Variants in ERBB4 observed in about 807,000 individuals in gnomAD.
ERBB4 encodes the protein receptor tyrosine-protein kinase erbB-4.
A neutral mutation model predicts 158.0 loss-of-function variants in ERBB4; 42 were observed. The ratio of observed to expected loss-of-function variants is 0.27; its 90% CI spans 0.21 to 0.34. The LOEUF is 0.34. Ranked by LOEUF, ERBB4 falls within the 10% of genes least tolerant of loss-of-function variation. The pLI, the probability that ERBB4 is intolerant of heterozygous loss-of-function variation, is 1.00. For synonymous variants in ERBB4, 583 were observed against 558.7 expected (o/e 1.04, Z -0.61); for missense variants, 1,333 against 1,624.1 (o/e 0.82, Z 3.08).
chr2:211,819,490 C>T (rs961353930), intron 3 of ERBB4, among the ~76,000 whole-genome samples: 2 of 151,804 alleles, frequency 1.3e-5, no homozygotes, highest in Admixed American at 6.6e-5. Context: ...TAGGAAGATC[C>T]CCAGAATTTG....
chr2:212,005,020 T>A (rs2076227071), intron 2 of ERBB4, among the ~76,000 whole-genome samples: 1 of 152,180 alleles, frequency 6.6e-6, no homozygotes, highest in Non-Finnish European at 1.5e-5. Context: ...ATAAGCTATG[T>A]TGATATTAGC....
intron 2 of ERBB4, among the ~76,000 whole-genome samples, chr2:212,089,560 T>C (rs1352618068): frequency 6.6e-6 from 1 of 152,156 alleles, no homozygotes; most frequent in African/African-American, 2.4e-5. Context: ...TGACTGCTCA[T>C]GAGATCTGGT....
intron 7 of ERBB4, among the ~76,000 whole-genome samples, chr2:211,716,035 A>G (rs919371721): frequency 2.6e-5 from 4 of 152,188 alleles, no homozygotes; most frequent in African/African-American, 9.7e-5. Flanking sequence ...AAATTTCAGA[A>G]TTCTGGATTA....
chr2:211,758,869 A>T (rs2106233908), intron 4 of ERBB4, among the ~76,000 whole-genome samples: 1 of 152,238 alleles, frequency 6.6e-6, no homozygotes, highest in East Asian at 1.9e-4. Flanking sequence ...TCCTCATATA[A>T]CCTGAATAGT....
intron 7 of ERBB4, among the ~76,000 whole-genome samples, chr2:211,716,544 C>T (rs1238831291): frequency 3.3e-5 from 5 of 150,028 alleles, no homozygotes; most frequent in East Asian, 3.9e-4. Flanking sequence ...GGCCTGGTGG[C>T]GGGCGCCTGT....
chr2:211,843,814 T>C (rs1452753974), intron 3 of ERBB4, among the ~76,000 whole-genome samples: 1 of 152,082 alleles, frequency 6.6e-6, no homozygotes. Context: ...ATATCACTAG[T>C]ACTTGATAAA....
intron 3 of ERBB4, among the ~76,000 whole-genome samples, chr2:211,852,638 T>TTA (rs2106038192): frequency 7.0e-6 from 1 of 142,626 alleles, no homozygotes; most frequent in East Asian, 2.0e-4. Flanking sequence ...ATGGCCAACT[T>TTA]TTTTTTTTTT....
At chr2:211,469,947 A>G (rs1390462706) in intron 20 of ERBB4, among the ~76,000 whole-genome samples, 2 of 152,078 alleles carry the variant, frequency 1.3e-5, no homozygotes, top group Non-Finnish European at 2.9e-5. Context: ...ATATAATTAT[A>G]TTAAGAGAGA....
intron 4 of ERBB4, among the ~76,000 whole-genome samples, chr2:211,759,681 T>C (rs1166618030): frequency 6.6e-6 from 1 of 152,098 alleles, no homozygotes; most frequent in African/African-American, 2.4e-5. Context: ...TAGCAAACAT[T>C]CCAGATAGAT....
intron 20 of ERBB4, among the ~76,000 whole-genome samples, chr2:211,496,349 A>G (rs4278873): frequency 0.25 from 37,812 of 151,590 alleles, 6,070 homozygotes; most frequent in African/African-American, 0.46. Context: ...CTTCTGTTTG[A>G]GCCTCTAATA....
At chr2:212,533,091 G>C (rs921483911) in intron 1 of ERBB4, among the ~76,000 whole-genome samples, 6 of 152,064 alleles carry the variant, frequency 3.9e-5, no homozygotes, top group Admixed American at 2.0e-4. Context: ...AAAAATAAAA[G>C]AGACCATAGA....
intron 1 of ERBB4, among the ~76,000 whole-genome samples, chr2:212,495,533 T>C (rs1255689453): frequency 1.3e-5 from 2 of 152,210 alleles, no homozygotes; most frequent in African/African-American, 2.4e-5. Flanking sequence ...CCCAAGTTTG[T>C]ATTGACAAAA....
At chr2:211,582,157 C>G (rs2068124682) in intron 19 of ERBB4, among the ~76,000 whole-genome samples, 1 of 152,174 alleles carries the variant, frequency 6.6e-6, no homozygotes, top group South Asian at 2.1e-4. Flanking sequence ...TTACAGCATT[C>G]AATGGTCAAT....
chr2:212,461,563 T>C (rs1223003263), intron 1 of ERBB4, among the ~76,000 whole-genome samples: 1 of 152,188 alleles, frequency 6.6e-6, no homozygotes, highest in East Asian at 1.9e-4. Flanking sequence ...CACATGCTCA[T>C]AGGTGGAAGG....
At chr2:212,260,681 C>T (rs1164234637) in intron 1 of ERBB4, among the ~76,000 whole-genome samples, 4 of 152,022 alleles carry the variant, frequency 2.6e-5, no homozygotes, top group Non-Finnish European at 5.9e-5. Context: ...AGCATGGTGG[C>T]GGGTGCTTGC....
rs1257669962 is a variant in ERBB4 at position 212,456,926 on chromosome 2, A to G, written c.82+81523T>C. 2.6e-5 allele frequency among the ~76,000 whole-genome samples: 4 copies of G among 152,012 alleles called. No individual in the cohort carries two copies. In the East Asian group the frequency reaches 7.7e-4, roughly 29 times the overall value. On this transcript the variant is annotated intron_variant, in intron 1 of 27. Transcript: ENST00000342788. ...CTCCCCTAAATATTCCATATTTTAC[A>G]TGTTCTATTATACTTAAGGTTTTCT... is the stretch of plus-strand genomic sequence containing the variant.
chr2:212,044,443 C>G (rs2077209935), intron 2 of ERBB4, among the ~76,000 whole-genome samples: 1 of 152,192 alleles, frequency 6.6e-6, no homozygotes, highest in Non-Finnish European at 1.5e-5. Flanking sequence ...TCTAGTCTAC[C>G]TAACCCTCCC....
In ERBB4 at chr2:211,383,678, G is replaced by C. The variant is rs1440705268; in HGVS notation, c.3864C>G (p.Phe1288Leu). 1 of 1,614,040 alleles carries C rather than the reference G, an allele frequency of 6.2e-7. No homozygotes were observed. Among genetic ancestry groups the C allele is most frequent in the Non-Finnish European group, 8.5e-7 (1 of 1,179,994 alleles). ...VAENPEYLSE[F>L]SLKPGTVLPP... ...GCAGCACAGTGCCTGGCTTCAGGGA[G>C]AACTCAGAGAGGTATTCAGGATTCT... The change falls in exon 28 of 28, where the codon TTC becomes TTG. Residue 1288 changes from phenylalanine to leucine, a missense_variant. Transcript: ENST00000342788.
chr2:211,810,662 C>CTTTTTTT lies in ERBB4; in HGVS notation c.422-22510_422-22504dup, dbSNP rs59305629. Among the ~76,000 whole-genome samples, 31 of 101,508 alleles carry CTTTTTTT rather than the reference C, an allele frequency of 3.1e-4. 1 individual carries two copies. The highest frequency in any genetic ancestry group is 7.1e-4 in the South Asian group (2 of 2,804). 66.6% of individuals were successfully genotyped at this position (101,508 alleles called of 152,430 possible). On this transcript the variant is annotated intron_variant, in intron 3 of 27. Coordinates refer to ENST00000342788, the MANE Select transcript of ERBB4 (RefSeq NM_005235.3). ...CTTTATCCAATTTGCCAGTCTCTGTCTTTTTTTTTTTTTTTTTTTTTGAGA... is the reference window on the plus strand; with the variant it reads ...CTTTATCCAATTTGCCAGTCTCTGTCTTTTTTTTTTTTTTTTTTTTTTTTTTTTGAGA...
Sources: allele counts gnomAD v4.1 joint callset (sites outside exome capture counted in the v4.1 genomes callset), GRCh38; gene constraint gnomAD v4.1.1; transcripts MANE v1.5; gene names NCBI Gene and HGNC (gene_info 2026-07-23, HGNC 2026-07-21).